DOCK1: variants seen among roughly 807,000 people sequenced by gnomAD.
DOCK1 encodes dedicator of cytokinesis 1, also known as dedicator of cytokinesis protein 1.
A neutral mutation model predicts 262.7 loss-of-function variants in DOCK1; 138 were observed. That is an observed-to-expected ratio of 0.53 (90% CI 0.46 to 0.61). DOCK1 has a LOEUF of 0.61. Among genes scored for constraint, DOCK1 ranks in the 20% least tolerant of loss-of-function variants. The probability of loss-of-function intolerance (pLI) is 0.00; values close to 1 mark genes in which losing one functional copy is unlikely to be tolerated. For synonymous variants in DOCK1, 866 were observed against 867.4 expected, an observed-to-expected ratio of 1.00 and a Z score of 0.03; for missense variants, 1,908 against 2,370.7, an observed-to-expected ratio of 0.80 and a Z score of 4.05.
chr10:127,016,476 TGCCGG>T (rs1451722108), intron 12 of DOCK1: 1 of 152,148 alleles, frequency 6.6e-6, no homozygotes, highest in African/African-American at 2.4e-5. Flanking sequence ...CAGCCGGAGG[TGCCGG>T]CACCGCTGTC....
intron 1 of DOCK1, among the ~76,000 whole-genome samples, chr10:126,916,094 T>G (rs2032460459): frequency 6.6e-6 from 1 of 151,940 alleles, no homozygotes; most frequent in Non-Finnish European, 1.5e-5. Flanking sequence ...AATAATAGGG[T>G]CTGGTATTCC....
chr10:127,315,380 C>A (rs891666513), intron 29 of DOCK1, among the ~76,000 whole-genome samples: 10 of 152,134 alleles, frequency 6.6e-5, no homozygotes, highest in Non-Finnish European at 1.5e-4. Context: ...GATATGGCCT[C>A]ATCCCATCTG....
chr10:127,031,205 C>T (rs1378181410), intron 16 of DOCK1, among the ~76,000 whole-genome samples: 1 of 152,220 alleles, frequency 6.6e-6, no homozygotes, highest in East Asian at 1.9e-4. Flanking sequence ...TTACTGTGGC[C>T]TCTTGTTTCC....
chr10:127,079,230 T>C (rs1381818011), intron 23 of DOCK1, among the ~76,000 whole-genome samples: 3 of 152,218 alleles, frequency 2.0e-5, no homozygotes, highest in Non-Finnish European at 4.4e-5. Context: ...CATACTCCCG[T>C]CTGGAATCTG....
intron 27 of DOCK1, among the ~76,000 whole-genome samples, chr10:127,226,660 C>T (rs2058653084): frequency 6.6e-6 from 1 of 152,074 alleles, no homozygotes; most frequent in South Asian, 2.1e-4. Context: ...AGGAGAATTG[C>T]TTGAACCCAG....
intron 1 of DOCK1, among the ~76,000 whole-genome samples, chr10:126,968,670 G>A (rs1293581396): frequency 3.3e-5 from 5 of 151,990 alleles, no homozygotes; most frequent in South Asian, 2.1e-4. Context: ...TTTTTCCCAC[G>A]TCTAGAACAG....
intron 23 of DOCK1, among the ~76,000 whole-genome samples, chr10:127,071,588 A>AT (rs1183362857): frequency 1.3e-5 from 2 of 152,064 alleles, no homozygotes; most frequent in East Asian, 1.9e-4. Context: ...TGGTTTACTG[A>AT]TTTTTTTATC....
At chr10:127,390,825 A>C (rs531792660) in intron 38 of DOCK1, among the ~76,000 whole-genome samples, 6 of 152,342 alleles carry the variant, frequency 3.9e-5, no homozygotes, top group Non-Finnish European at 8.8e-5. Flanking sequence ...TTTTAGATAG[A>C]GTCAATATTA....
At chr10:126,954,946 A>G (rs1313094042) in intron 1 of DOCK1, among the ~76,000 whole-genome samples, 1 of 152,166 alleles carries the variant, frequency 6.6e-6, no homozygotes, top group Non-Finnish European at 1.5e-5. Flanking sequence ...TTGCCTGATC[A>G]TATAGTAGTT....
intron 12 of DOCK1, among the ~76,000 whole-genome samples, chr10:127,018,008 C>T (rs190568919): frequency 1.5e-4 from 23 of 152,302 alleles, no homozygotes; most frequent in African/African-American, 4.3e-4. Flanking sequence ...TAGACCCCAC[C>T]GGGTTTACTG....
intron 27 of DOCK1, among the ~76,000 whole-genome samples, chr10:127,210,258 G>C (rs958210934): frequency 2.0e-5 from 3 of 152,122 alleles, no homozygotes; most frequent in African/African-American, 7.2e-5. Flanking sequence ...GGACTTCGGC[G>C]GTGCCACATA....
At chr10:126,931,846 T>C (rs2034213910) in intron 1 of DOCK1, among the ~76,000 whole-genome samples, 2 of 152,182 alleles carry the variant, frequency 1.3e-5, no homozygotes, top group Non-Finnish European at 1.5e-5. Context: ...TGGAAAGTGC[T>C]TAATCTTGTG....
At chr10:127,196,526 G>C (rs1303309008) in intron 27 of DOCK1, among the ~76,000 whole-genome samples, 1 of 147,888 alleles carries the variant, frequency 6.8e-6, no homozygotes, top group Non-Finnish European at 1.5e-5. Flanking sequence ...GGCCAGAGGC[G>C]AGGGCGCCCC....
chr10:127,074,613 G>GT (rs1360419025), intron 23 of DOCK1, among the ~76,000 whole-genome samples: 4 of 152,164 alleles, frequency 2.6e-5, no homozygotes, highest in Admixed American at 1.3e-4. Context: ...TATAAAAAGT[G>GT]TATCTTATTA....
At chr10:127,304,096 C>T (rs1484237811) in intron 29 of DOCK1, among the ~76,000 whole-genome samples, 5 of 152,084 alleles carry the variant, frequency 3.3e-5, no homozygotes, top group Non-Finnish European at 4.4e-5. Context: ...GGGAACAGCA[C>T]GTGCCAAGCG....
intron 31 of DOCK1, among the ~76,000 whole-genome samples, chr10:127,347,526 GAGC>G (rs1372490309): frequency 1.3e-5 from 2 of 152,154 alleles, no homozygotes; most frequent in Admixed American, 1.3e-4. Context: ...ATCTACATAT[GAGC>G]AGAGACATGA....
intron 29 of DOCK1, among the ~76,000 whole-genome samples, chr10:127,315,239 G>C (rs945066204): frequency 6.6e-6 from 1 of 152,152 alleles, no homozygotes; most frequent in Non-Finnish European, 1.5e-5. Flanking sequence ...CTATATCCAC[G>C]GGAACCTGTT....
intron 27 of DOCK1, among the ~76,000 whole-genome samples, chr10:127,202,509 G>T (rs556409445): frequency 6.6e-6 from 1 of 152,230 alleles, no homozygotes; most frequent in African/African-American, 2.4e-5. Flanking sequence ...CTCCCAGCTG[G>T]GGGGTGTAGG....
At chr10:127,060,442 A>G (rs1165512646) in intron 22 of DOCK1, among the ~76,000 whole-genome samples, 1 of 152,236 alleles carries the variant, frequency 6.6e-6, no homozygotes, top group East Asian at 1.9e-4. Context: ...TTTACAGTGG[A>G]ATTCATTTAA....
Sources: allele counts gnomAD v4.1 joint callset (sites outside exome capture counted in the v4.1 genomes callset), GRCh38; gene constraint gnomAD v4.1.1; transcripts MANE v1.5; gene names NCBI Gene and HGNC (gene_info 2026-07-23, HGNC 2026-07-21).